CMIP: variants seen among roughly 807,000 people sequenced by gnomAD.
CMIP encodes C-Maf-inducing protein.
In CMIP, 13 loss-of-function variants were observed where a neutral mutation model predicts 97.3. The observed-to-expected ratio is 0.13, with a 90% CI of 0.09 to 0.21. CMIP has a LOEUF of 0.21. Among genes scored for constraint, CMIP ranks in the 10% least tolerant of loss-of-function variants. The pLI, the probability that CMIP is intolerant of heterozygous loss-of-function variation, is 1.00. For synonymous variants in CMIP, 538 were observed against 436.3 expected, an observed-to-expected ratio of 1.23 and a Z score of -2.91; for missense variants, 847 against 1,024.9, an observed-to-expected ratio of 0.83 and a Z score of 2.37.
chr16:81,668,929 GCCTTCCACACCCACCTCACA>G (rs1192401198), intron 7 of CMIP, among the ~76,000 whole-genome samples: 1 of 72,888 alleles, frequency 1.4e-5, no homozygotes, highest in Non-Finnish European at 2.7e-5. Flanking sequence ...CACACTCACG[GCCTTCCACACCCACCTCACA>G]CCTTCCACAC....
intron 1 of CMIP, among the ~76,000 whole-genome samples, chr16:81,499,615 C>T (rs902034281): frequency 6.6e-6 from 1 of 152,244 alleles, no homozygotes; most frequent in Non-Finnish European, 1.5e-5. Flanking sequence ...CCATCCCAGC[C>T]TCCAAGAATC....
Position 81,670,258 on chromosome 16 carries a change from C to A in CMIP, c.929+13C>A. 1 of 1,597,940 alleles carries A rather than the reference C, an allele frequency of 6.3e-7. No homozygotes were observed. Among genetic ancestry groups the A allele is most frequent in the Non-Finnish European group, 8.5e-7 (1 of 1,172,446 alleles). ...AGTTCATTCAGAGGTGGGTCTCCGG[C>A]GCGACGTCCCTCTGTGGCCTAGGAG... On this transcript the variant is annotated intron_variant, in intron 8 of 20. Transcript: ENST00000537098.
At chr16:81,674,484 T>G (rs1450584255) in intron 9 of CMIP, among the ~76,000 whole-genome samples, 2 of 152,164 alleles carry the variant, frequency 1.3e-5, no homozygotes, top group Non-Finnish European at 2.9e-5. Flanking sequence ...CACGTTACAT[T>G]TGGGAACACA....
At chr16:81,700,173 T>A (rs1907233481) in intron 15 of CMIP, among the ~76,000 whole-genome samples, 1 of 152,184 alleles carries the variant, frequency 6.6e-6, no homozygotes, top group South Asian at 2.1e-4. Context: ...ATCAGTCAGA[T>A]GGGGCCAGGT....
chr16:81,607,810 G>C (rs1386761559), intron 2 of CMIP, 118 bp downstream of exon 2: 1 of 1,135,916 alleles, frequency 8.8e-7, no homozygotes. Flanking sequence ...TTAACTTTGG[G>C]TGATTTTATT....
intron 16 of CMIP, 142 bp from the exon 17 acceptor site, chr16:81,702,480 G>T (rs917542002): frequency 1.4e-5 from 11 of 793,246 alleles, no homozygotes; most frequent in Non-Finnish European, 2.3e-5. Context: ...CTCCGGGTTT[G>T]CCCCTGAGAC....
intron 4 of CMIP, among the ~76,000 whole-genome samples, chr16:81,653,843 C>T (rs1452032659): frequency 5.9e-5 from 9 of 152,232 alleles, no homozygotes; most frequent in Non-Finnish European, 1.3e-4. Flanking sequence ...GAACTCCTGA[C>T]TTCAAATGGT....
chr16:81,658,753 G>T (rs1399290060), intron 5 of CMIP, among the ~76,000 whole-genome samples: 3 of 152,234 alleles, frequency 2.0e-5, no homozygotes, highest in Non-Finnish European at 4.4e-5. Context: ...GAAGCAAGAG[G>T]CAGAGCCTTT....
intron 1 of CMIP, among the ~76,000 whole-genome samples, chr16:81,497,501 G>T (rs2089512698): frequency 6.6e-6 from 1 of 152,192 alleles, no homozygotes; most frequent in South Asian, 2.1e-4. Flanking sequence ...GTCTCTGGAA[G>T]CAAGGCGACT....
intron 1 of CMIP, among the ~76,000 whole-genome samples, chr16:81,487,952 G>T (rs887186422): frequency 6.6e-6 from 1 of 152,194 alleles, no homozygotes; most frequent in Non-Finnish European, 1.5e-5. Context: ...ACTGCTCTCG[G>T]CTTCTGCTCT....
intron 1 of CMIP, among the ~76,000 whole-genome samples, chr16:81,503,857 T>C (rs892634700): frequency 2.0e-5 from 3 of 152,246 alleles, no homozygotes; most frequent in Admixed American, 6.5e-5. Flanking sequence ...GTGACAGACG[T>C]CATCACCTGG....
intron 4 of CMIP, among the ~76,000 whole-genome samples, chr16:81,656,900 G>T (rs2092489223): frequency 6.6e-6 from 1 of 152,120 alleles, no homozygotes; most frequent in Non-Finnish European, 1.5e-5. Context: ...GGGATTACAG[G>T]CATGGGAGCC....
At chr16:81,567,392 C>G (rs2091001769) in intron 1 of CMIP, among the ~76,000 whole-genome samples, 1 of 152,248 alleles carries the variant, frequency 6.6e-6, no homozygotes. Flanking sequence ...GGAGGGTGGC[C>G]TGGCCACATC....
At chr16:81,608,948 T>C (rs2091786551) in intron 2 of CMIP, among the ~76,000 whole-genome samples, 1 of 152,172 alleles carries the variant, frequency 6.6e-6, no homozygotes, top group Non-Finnish European at 1.5e-5. Context: ...AGCCACTGGA[T>C]TGTGTAACAG....
At chr16:81,693,227 G>A (rs768628325) in intron 12 of CMIP, 43 bp downstream of exon 12, 18 of 1,587,350 alleles carry the variant, frequency 1.1e-5, no homozygotes, top group South Asian at 7.8e-5. Context: ...TGGCACGCAC[G>A]GCCTCTGTCC....
rs145293104 is a variant in CMIP at position 81,637,846 on chromosome 16, C to T, written c.478-14357C>T. Among the ~76,000 whole-genome samples, 139 of 152,324 alleles carry T rather than the reference C, an allele frequency of 9.1e-4. 1 individual carries two copies. Among genetic ancestry groups the T allele is most frequent in the African/African-American group, 3.2e-3 (132 of 41,584 alleles). On this transcript the variant is annotated intron_variant, in intron 3 of 20. Coordinates refer to ENST00000537098, the MANE Select transcript of CMIP (RefSeq NM_198390.3). Reference sequence around the variant, plus strand: ...TCATGGTTCTAGAGGCCAGGAAGTCCACCATCAAGGTAGATTGGTGAGGGC... The same window carrying T: ...TCATGGTTCTAGAGGCCAGGAAGTCTACCATCAAGGTAGATTGGTGAGGGC...
chr16:81,587,055 G>A (rs868231656), intron 1 of CMIP, among the ~76,000 whole-genome samples: 1 of 152,232 alleles, frequency 6.6e-6, no homozygotes, highest in Admixed American at 6.5e-5. Context: ...TGTGTGGTTG[G>A]TTTTTGTTTT....
At chr16:81,495,245 G>C (rs1043016326) in intron 1 of CMIP, 40 of 1,287,290 alleles carry the variant, frequency 3.1e-5, no homozygotes, top group Admixed American at 2.8e-4. Flanking sequence ...AGACACTGAT[G>C]GTCAGAGTGG....
At chr16:81,573,960 G>A (rs768066041) in intron 1 of CMIP, among the ~76,000 whole-genome samples, 2 of 151,992 alleles carry the variant, frequency 1.3e-5, no homozygotes, top group African/African-American at 4.8e-5. Context: ...TTTTGGGGGC[G>A]CCATTTAACA....
Sources: gnomAD v4.1 joint callset for allele counts (sites outside exome capture counted in the v4.1 genomes callset) on GRCh38, gnomAD v4.1.1 for gene constraint, MANE v1.5 for transcripts, NCBI Gene and HGNC (gene_info 2026-07-23, HGNC 2026-07-21) for gene names.